MDGA2: variants seen among roughly 807,000 people sequenced by gnomAD.
MDGA2 encodes the protein MAM domain-containing glycosylphosphatidylinositol anchor protein 2.
In MDGA2, 40 loss-of-function variants were observed where a neutral mutation model predicts 117.8. The observed-to-expected ratio is 0.34, with a 90% CI of 0.26 to 0.44. The LOEUF (loss-of-function observed/expected upper bound fraction) is 0.44, where lower values mean the gene tolerates loss of function less well. MDGA2 is among the 20% of genes least tolerant of loss of function. The pLI is 1.00. For synonymous variants in MDGA2, 452 were observed against 439.0 expected (o/e 1.03, Z -0.37); for missense variants, 1,123 against 1,250.6 (o/e 0.90, Z 1.54).
intron 1 of MDGA2, among the ~76,000 whole-genome samples, chr14:47,317,384 T>C (rs529510530): frequency 6.6e-6 from 1 of 152,260 alleles, no homozygotes; most frequent in African/African-American, 2.4e-5. Context: ...GCACATGATA[T>C]ATGTGTGTAT....
chr14:47,059,109 G>C (rs1277770728), intron 7 of MDGA2: 1 of 1,015,120 alleles, frequency 9.9e-7, no homozygotes, highest in African/African-American at 1.7e-5. Context: ...CTATATTATA[G>C]AGACAATGGG....
intron 5 of MDGA2, among the ~76,000 whole-genome samples, chr14:47,124,258 A>G (rs1268256880): frequency 2.6e-5 from 4 of 152,106 alleles, no homozygotes; most frequent in Non-Finnish European, 5.9e-5. Context: ...CTGACTTATC[A>G]TTTATGTCCC....
At chr14:47,616,585 A>G (rs1896952047) in intron 1 of MDGA2, among the ~76,000 whole-genome samples, 1 of 152,144 alleles carries the variant, frequency 6.6e-6, no homozygotes, top group South Asian at 2.1e-4. Flanking sequence ...GTCTGCTTTA[A>G]GCACAAAGTA....
In MDGA2 at chr14:47,044,554, C is replaced by T. The variant is rs1030212164; in HGVS notation, c.1526-9250G>A. Among the ~76,000 whole-genome samples the T allele has an allele frequency of 4.6e-5, 7 of 152,086 alleles. 1 individual carries two copies. Among genetic ancestry groups the T allele is most frequent in the Admixed American group, 4.6e-4 (7 of 15,254 alleles). On this transcript the variant is annotated intron_variant, in intron 7 of 16. Coordinates refer to ENST00000399232, the MANE Select transcript of MDGA2 (RefSeq NM_001113498.3). The stretch of plus-strand genomic sequence containing the variant: ...AAGCATTTATAAATATGTCTTCACA[C>T]CAGATAGTATGCCTACCGTTTTTGT...
At chr14:46,988,414 T>C (rs1388829102) in intron 8 of MDGA2, among the ~76,000 whole-genome samples, 3 of 151,974 alleles carry the variant, frequency 2.0e-5, no homozygotes, top group Non-Finnish European at 4.4e-5. Flanking sequence ...ATAAGCAACT[T>C]AATAAAAACT....
At chr14:47,532,731 C>T (rs955749411) in intron 1 of MDGA2, among the ~76,000 whole-genome samples, 1 of 152,136 alleles carries the variant, frequency 6.6e-6, no homozygotes, top group Non-Finnish European at 1.5e-5. Flanking sequence ...CTTTTTATTG[C>T]TGCCAGTAAC....
intron 2 of MDGA2, among the ~76,000 whole-genome samples, chr14:47,280,894 AT>A (rs989078277): frequency 1.3e-5 from 2 of 150,086 alleles, no homozygotes; most frequent in African/African-American, 4.9e-5. Context: ...TAACAAACAC[AT>A]TTTTTAAAAC....
chr14:46,867,848 T>C (rs1442784774), intron 14 of MDGA2, among the ~76,000 whole-genome samples: 1 of 152,042 alleles, frequency 6.6e-6, no homozygotes, highest in African/African-American at 2.4e-5. Context: ...TGTGACACTT[T>C]TGCTTTTCTT....
At position 46,874,062 on chromosome 14, in the gene MDGA2, C is replaced by G; in HGVS notation, c.2576G>C (p.Arg859Pro). 2 of 1,545,578 alleles carry G rather than the reference C, an allele frequency of 1.3e-6. No homozygotes were observed. Among genetic ancestry groups the G allele is most frequent in the Non-Finnish European group, 1.7e-6 (2 of 1,152,868 alleles). ...CCCCATACCTTCTTTGGAGCCACTA[C>G]GGTCAGCATTAGGTCCTGTATTAGG... Reference protein sequence around the residue: ...YTPNTGPNADRSGSKEGFYMY... With the variant: ...YTPNTGPNADPSGSKEGFYMY... Residue 859 changes from arginine (R) to proline (P), a missense_variant, in exon 13 of 17, where the codon CGT (arginine) becomes CCT (proline). This residue lies in a region of MDGA2 where 890 missense variants were observed against 1,050.3 expected (regional missense o/e 0.85). Coordinates refer to ENST00000399232, the MANE Select transcript of MDGA2 (RefSeq NM_001113498.3).
intron 2 of MDGA2, among the ~76,000 whole-genome samples, chr14:47,271,945 G>A (rs1214905471): frequency 1.3e-5 from 2 of 151,958 alleles, no homozygotes; most frequent in African/African-American, 2.4e-5. Flanking sequence ...TTGCTATTGT[G>A]TACACCCCAG....
At position 47,629,573 on chromosome 14, in the gene MDGA2, C is replaced by G. The variant is rs1177570438; in HGVS notation, c.280+44944G>C. Among the ~76,000 whole-genome samples, 10 of 152,120 alleles carry G rather than the reference C, an allele frequency of 6.6e-5. No individual in the cohort carries two copies. In the South Asian group the frequency reaches 2.1e-3, roughly 32 times the overall value. ...TAAGTACTGGAGAATGAAGTTGTAA[C>G]TAGTTCAGGGTAAGAAGAGATGCCT... is the stretch of plus-strand genomic sequence containing the variant. On this transcript the variant is annotated intron_variant, in intron 1 of 16. Transcript: ENST00000399232.
At chr14:47,309,419 T>C (rs1889563597) in intron 1 of MDGA2, among the ~76,000 whole-genome samples, 1 of 152,124 alleles carries the variant, frequency 6.6e-6, no homozygotes, top group African/African-American at 2.4e-5. Context: ...TAAGATCCTA[T>C]TGATATACTG....
At chr14:47,147,757 A>G (rs1883002729) in intron 3 of MDGA2, among the ~76,000 whole-genome samples, 1 of 152,118 alleles carries the variant, frequency 6.6e-6, no homozygotes, top group African/African-American at 2.4e-5. Flanking sequence ...AAGCTATTCC[A>G]AGACTCTGGT....
chr14:47,290,191 C>A (rs1888832696), intron 2 of MDGA2, among the ~76,000 whole-genome samples: 1 of 151,996 alleles, frequency 6.6e-6, no homozygotes, highest in Admixed American at 6.6e-5. Context: ...TCCTAATCCC[C>A]AGTAGGATGG....
chr14:47,417,421 C>A (rs1275862430), intron 1 of MDGA2, among the ~76,000 whole-genome samples: 1 of 152,164 alleles, frequency 6.6e-6, no homozygotes, highest in African/African-American at 2.4e-5. Flanking sequence ...TATTCTTCAT[C>A]TCCACCTGAG....
intron 8 of MDGA2, among the ~76,000 whole-genome samples, chr14:46,976,182 C>A (rs964094000): frequency 1.3e-5 from 2 of 152,000 alleles, no homozygotes; most frequent in East Asian, 3.9e-4. Context: ...TCCACTAAAC[C>A]ATATGCTTAA....
At chr14:47,505,356 GA>G (rs1226308174) in intron 1 of MDGA2, among the ~76,000 whole-genome samples, 1 of 152,088 alleles carries the variant, frequency 6.6e-6, no homozygotes, top group East Asian at 1.9e-4. Flanking sequence ...AGGGGCTTTT[GA>G]ATGTTCTCAC....
intron 1 of MDGA2, among the ~76,000 whole-genome samples, chr14:47,625,622 T>C (rs1443870719): frequency 6.6e-6 from 1 of 152,214 alleles, no homozygotes; most frequent in African/African-American, 2.4e-5. Flanking sequence ...TAGATTCTGT[T>C]CCTCAATCTT....
chr14:47,359,017 T>G (rs1285640112), intron 1 of MDGA2, among the ~76,000 whole-genome samples: 1 of 152,132 alleles, frequency 6.6e-6, no homozygotes, highest in Non-Finnish European at 1.5e-5. Flanking sequence ...AAAGCAATAT[T>G]GATAAAGAAA....
Sources: allele counts gnomAD v4.1 joint callset (sites outside exome capture counted in the v4.1 genomes callset), GRCh38; gene constraint gnomAD v4.1.1; regional missense constraint gnomAD v4.1.1; transcripts MANE v1.5; gene names NCBI Gene and HGNC (gene_info 2026-07-23, HGNC 2026-07-21).